XPA: variants seen among roughly 807,000 people sequenced by gnomAD.
XPA encodes the protein DNA repair protein complementing XP-A cells.
A neutral mutation model predicts 35.7 loss-of-function variants in XPA; 27 were observed. The ratio of observed to expected loss-of-function variants is 0.76; its 90% CI spans 0.56 to 1.04. The LOEUF (loss-of-function observed/expected upper bound fraction) is 1.04. Among genes scored for constraint, XPA ranks in the 50% least tolerant of loss-of-function variants. The pLI, the probability that XPA is intolerant of heterozygous loss-of-function variation, is 0.00. For missense variants in XPA, 354 were observed against 342.7 expected (o/e 1.03, Z -0.26); for synonymous variants, 133 against 118.4 (o/e 1.12, Z -0.80).
intron 5 of XPA, among the ~76,000 whole-genome samples, chr9:97,681,929 C>T (rs1185909884): frequency 6.6e-6 from 1 of 151,996 alleles, no homozygotes; most frequent in Non-Finnish European, 1.5e-5. Flanking sequence ...CTCTATCGGT[C>T]CTTTGAATAT....
chr9:97,694,809 T>C (rs1467577254), intron 1 of XPA, among the ~76,000 whole-genome samples: 1 of 152,184 alleles, frequency 6.6e-6, no homozygotes, highest in African/African-American at 2.4e-5. Flanking sequence ...AAAAAGAATG[T>C]GTACAGAGGT....
chr9:97,654,733 A>G, the XPA span: 1 of 745,776 alleles, frequency 1.3e-6, no homozygotes, highest in East Asian at 2.7e-5. Flanking sequence ...AGCTGTAAGA[A>G]AAAACAAAAA....
the XPA span, among the ~76,000 whole-genome samples, chr9:97,658,378 C>G: frequency 6.6e-6 from 1 of 152,210 alleles, no homozygotes; most frequent in African/African-American, 2.4e-5. Context: ...CCACCATGCC[C>G]CATCATCACC....
intron 3 of XPA, among the ~76,000 whole-genome samples, chr9:97,689,219 G>A (rs1828808617): frequency 6.6e-6 from 1 of 152,096 alleles, no homozygotes; most frequent in African/African-American, 2.4e-5. Context: ...GCTGGGTGAA[G>A]AGAAGGGTTA....
At chr9:97,688,233 C>T (rs1349395261) in intron 3 of XPA, among the ~76,000 whole-genome samples, 1 of 152,212 alleles carries the variant, frequency 6.6e-6, no homozygotes, top group African/African-American at 2.4e-5. Flanking sequence ...GAATCCATCT[C>T]CTTGCCTTTT....
chr9:97,670,355 C>T (rs1239431410), downstream of XPA, among the ~76,000 whole-genome samples: 1 of 152,156 alleles, frequency 6.6e-6, no homozygotes, highest in Non-Finnish European at 1.5e-5. Flanking sequence ...GTAAACTGTC[C>T]ACAGAATCAA....
At chr9:97,657,884 A>AGC in the XPA span, among the ~76,000 whole-genome samples, 181 of 119,938 alleles carry the variant, frequency 1.5e-3, no homozygotes, top group African/African-American at 5.4e-3. Context: ...AGCCCCGGTA[A>AGC]GCTCTCTCTC....
intron 4 of XPA, among the ~76,000 whole-genome samples, chr9:97,685,620 G>T (rs1828693167): frequency 6.6e-6 from 1 of 152,002 alleles, no homozygotes; most frequent in African/African-American, 2.4e-5. Flanking sequence ...GATTTTAAGA[G>T]AATTTACACA....
At chr9:97,674,792 ACAAT>A (rs750886514), downstream of XPA, 57 of 382,516 alleles carry the variant, frequency 1.5e-4, no homozygotes, top group Non-Finnish European at 2.5e-4. Flanking sequence ...TCTTTGATCA[ACAAT>A]CAGATAGTCA....
At chr9:97,659,562 C>A in the XPA span, among the ~76,000 whole-genome samples, 6 of 152,272 alleles carry the variant, frequency 3.9e-5, no homozygotes, top group African/African-American at 1.4e-4. Context: ...GAAATGACTT[C>A]CAAGAGGTCA....
chr9:97,675,677 T>A (rs1828341335), intron 5 of XPA, 90 bp from the exon 6 acceptor site: 5 of 1,424,006 alleles, frequency 3.5e-6, no homozygotes, highest in Non-Finnish European at 4.9e-6. Flanking sequence ...GCCATGTACA[T>A]GTGTGTGTGT....
chr9:97,675,676 A>C, intron 5 of XPA, 89 bp from the exon 6 acceptor site: 1 of 1,449,758 alleles, frequency 6.9e-7, no homozygotes, highest in African/African-American at 1.4e-5. Flanking sequence ...AGCCATGTAC[A>C]TGTGTGTGTG....
At chr9:97,678,624 G>A (rs891120046) in intron 5 of XPA, among the ~76,000 whole-genome samples, 3 of 152,216 alleles carry the variant, frequency 2.0e-5, no homozygotes, top group Non-Finnish European at 4.4e-5. Context: ...CAGAAGGAAT[G>A]CTGGAATTAG....
intron 5 of XPA, among the ~76,000 whole-genome samples, chr9:97,678,686 C>T (rs1053114363): frequency 2.0e-5 from 3 of 152,214 alleles, no homozygotes; most frequent in African/African-American, 7.2e-5. Flanking sequence ...CAAGCACCAT[C>T]AATGGATGGA....
the XPA span, among the ~76,000 whole-genome samples, chr9:97,657,477 A>C: frequency 6.6e-6 from 1 of 152,232 alleles, no homozygotes; most frequent in African/African-American, 2.4e-5. Context: ...CTAGAGGCAC[A>C]TGATTCCCAC....
At chr9:97,659,959 A>G in the XPA span, among the ~76,000 whole-genome samples, 13 of 152,096 alleles carry the variant, frequency 8.5e-5, no homozygotes, top group Admixed American at 5.9e-4. Context: ...CCATTACCCC[A>G]GTCTGGAAAG....
chr9:97,665,216 A>G, the XPA span, among the ~76,000 whole-genome samples: 1 of 152,286 alleles, frequency 6.6e-6, no homozygotes, highest in East Asian at 1.9e-4. Flanking sequence ...AGGTTGTCAT[A>G]CCGGCCAGGT....
At chr9:97,662,849 T>G in the XPA span, 1 of 811,688 alleles carries the variant, frequency 1.2e-6, no homozygotes, top group Non-Finnish European at 2.0e-6. Flanking sequence ...TATTTTGCAT[T>G]TATATATTGC....
intron 5 of XPA, among the ~76,000 whole-genome samples, chr9:97,683,655 GTC>G (rs1316438750): frequency 1.3e-5 from 2 of 152,128 alleles, no homozygotes; most frequent in East Asian, 1.9e-4. Context: ...GCTGATGATT[GTC>G]TCTGAGTAGG....
Sources: gnomAD v4.1 joint callset for allele counts (sites outside exome capture counted in the v4.1 genomes callset) on GRCh38, gnomAD v4.1.1 for gene constraint, MANE v1.5 for transcripts, NCBI Gene and HGNC (gene_info 2026-07-23, HGNC 2026-07-21) for gene names.